CRACD: variants seen among roughly 807,000 people sequenced by gnomAD.
The protein encoded by CRACD is capping protein inhibiting regulator of actin dynamics, also known as capping protein-inhibiting regulator of actin dynamics.
A neutral mutation model predicts 106.8 loss-of-function variants in CRACD; 56 were observed. The observed-to-expected ratio is 0.52, with a 90% CI of 0.42 to 0.66. The LOEUF (loss-of-function observed/expected upper bound fraction) is 0.66. Among genes scored for constraint, CRACD ranks in the 30% least tolerant of loss-of-function variants. The pLI is 0.00. For missense variants in CRACD, 1,730 were observed against 1,623.2 expected (o/e 1.07, Z -1.13); for synonymous variants, 754 against 670.8 (o/e 1.12, Z -1.92).
chr4:56,193,933 G>C (rs1737491093), intron 2 of CRACD, among the ~76,000 whole-genome samples: 1 of 152,038 alleles, frequency 6.6e-6, no homozygotes, highest in African/African-American at 2.4e-5. Context: ...TGATATTATA[G>C]GCTTTGTGGG....
intron 8 of CRACD, among the ~76,000 whole-genome samples, chr4:56,322,782 A>G (rs572627163): frequency 6.6e-6 from 1 of 152,348 alleles, no homozygotes; most frequent in South Asian, 2.1e-4. Context: ...TAATCATAGC[A>G]CCTTGGGAGG....
At chr4:56,118,967 C>T (rs1409940233) in intron 1 of CRACD, among the ~76,000 whole-genome samples, 1 of 152,106 alleles carries the variant, frequency 6.6e-6, no homozygotes, top group Non-Finnish European at 1.5e-5. Context: ...ATGGGCCATC[C>T]ATTGAGACAT....
At chr4:56,212,136 C>T (rs576019526) in intron 2 of CRACD, among the ~76,000 whole-genome samples, 154 of 152,256 alleles carry the variant, frequency 1.0e-3, no homozygotes, top group African/African-American at 2.6e-3. Flanking sequence ...ACCAAGATGG[C>T]GATGAGAGTC....
chr4:56,075,474 T>C (rs1337176933), intron 1 of CRACD, among the ~76,000 whole-genome samples: 1 of 152,234 alleles, frequency 6.6e-6, no homozygotes, highest in Non-Finnish European at 1.5e-5. Flanking sequence ...TTTATTTGCA[T>C]AGAGGTGTTT....
intron 2 of CRACD, among the ~76,000 whole-genome samples, chr4:56,181,827 A>T (rs1736833788): frequency 6.6e-6 from 1 of 152,104 alleles, no homozygotes; most frequent in Admixed American, 6.5e-5. Context: ...GACACCAGAT[A>T]TATTGGACTA....
chr4:56,326,960 G>C (rs553988856), intron 10 of CRACD, among the ~76,000 whole-genome samples: 1 of 151,926 alleles, frequency 6.6e-6, no homozygotes, highest in Non-Finnish European at 1.5e-5. Flanking sequence ...GGCTGGTCTC[G>C]AACTCCTGAC....
chr4:56,249,682 G>A (rs556697299), intron 2 of CRACD, among the ~76,000 whole-genome samples: 27 of 152,162 alleles, frequency 1.8e-4, no homozygotes, highest in Non-Finnish European at 3.4e-4. Flanking sequence ...GAGAAAGGGA[G>A]ATGCCTCCCT....
intron 1 of CRACD, among the ~76,000 whole-genome samples, chr4:56,112,463 A>G (rs1387261929): frequency 6.6e-6 from 1 of 152,150 alleles, no homozygotes; most frequent in Non-Finnish European, 1.5e-5. Context: ...TGGATTTGCA[A>G]TTGGTTGAGG....
At chr4:56,074,663 T>C (rs922746572) in intron 1 of CRACD, among the ~76,000 whole-genome samples, 1 of 152,174 alleles carries the variant, frequency 6.6e-6, no homozygotes, top group African/African-American at 2.4e-5. Flanking sequence ...CCCTTCCTAT[T>C]TGAATACCCA....
chr4:56,101,444 T>C lies in CRACD; in HGVS notation c.-336+52145T>C, dbSNP rs140484546. 5.2e-3 allele frequency among the ~76,000 whole-genome samples: 789 copies of C among 152,268 alleles called. 6 individuals are homozygous for C. Among genetic ancestry groups the C allele is most frequent in the African/African-American group, 0.018 (740 of 41,568 alleles). On this transcript the variant is annotated intron_variant, in intron 1 of 10. Coordinates refer to ENST00000682029, the MANE Select transcript of CRACD (RefSeq NM_001393381.1). ...TGTTGAATTTGGCACTTGGCGTCTG[T>C]GTATATCTTTGTACTTTTATTAAAA...
At chr4:56,219,448 AG>A (rs1240657330) in intron 2 of CRACD, among the ~76,000 whole-genome samples, 1 of 152,270 alleles carries the variant, frequency 6.6e-6, no homozygotes, top group African/African-American at 2.4e-5. Context: ...CCTGGATTGA[AG>A]CGATTCTTGT....
At chr4:56,199,459 G>T (rs1252956678) in intron 2 of CRACD, among the ~76,000 whole-genome samples, 1 of 152,058 alleles carries the variant, frequency 6.6e-6, no homozygotes. Flanking sequence ...CGAGGCGGGT[G>T]AATCACGAGG....
At chr4:56,162,115 C>T (rs750626942) in intron 1 of CRACD, among the ~76,000 whole-genome samples, 2 of 152,026 alleles carry the variant, frequency 1.3e-5, no homozygotes, top group Non-Finnish European at 2.9e-5. Context: ...ACTACAAGCA[C>T]CACTTTGTTG....
At chr4:56,134,638 G>A (rs1156264507) in intron 1 of CRACD, among the ~76,000 whole-genome samples, 2 of 152,208 alleles carry the variant, frequency 1.3e-5, no homozygotes, top group South Asian at 2.1e-4. Context: ...GTAATGATTA[G>A]CATGAAAGCT....
intron 2 of CRACD, among the ~76,000 whole-genome samples, chr4:56,268,451 T>TA (rs57721072): frequency 0.48 from 73,357 of 151,804 alleles, 18,758 homozygotes; most frequent in African/African-American, 0.65. Flanking sequence ...CAGTGTTGGG[T>TA]AAAAAAAGCA....
At chr4:56,212,877 C>T (rs534130985) in intron 2 of CRACD, among the ~76,000 whole-genome samples, 28 of 152,332 alleles carry the variant, frequency 1.8e-4, no homozygotes, top group African/African-American at 6.5e-4. Flanking sequence ...CAATCTGATC[C>T]TGGACTTAGT....
chr4:56,125,764 CTTTTTTTTT>C lies in CRACD; in HGVS notation c.-335-53504_-335-53496del, dbSNP rs11289899. ...ATAATCTATTACTGTCATTCTTCTT[CTTTTTTTTT>C]TTTTTTTTTTTTTTTGAGATGGAGT... On this transcript the variant is annotated intron_variant, in intron 1 of 10. Transcript: ENST00000682029. Among the ~76,000 whole-genome samples the C allele has an allele frequency of 6.8e-5, 5 of 73,300 alleles. No homozygotes were observed. In the East Asian group the frequency reaches 1.2e-3, roughly 17 times the overall value. The allele number at this position is 73,300 out of a possible 152,430, so 48.1% of individuals were successfully genotyped here. A position where few individuals can be genotyped will look rare whatever the true frequency, so the allele number is the denominator to read the frequency against.
chr4:56,233,347 T>G (rs989986849), intron 2 of CRACD, among the ~76,000 whole-genome samples: 4 of 151,696 alleles, frequency 2.6e-5, no homozygotes, highest in Admixed American at 2.0e-4. Context: ...GCTCAAGAGA[T>G]CCACCTGCCT....
intron 1 of CRACD, among the ~76,000 whole-genome samples, chr4:56,073,111 G>T (rs866022238): frequency 1.3e-4 from 20 of 152,112 alleles, no homozygotes; most frequent in African/African-American, 4.3e-4. Flanking sequence ...AATTCTTTGG[G>T]TATATACCCA....
Sources: allele counts gnomAD v4.1 joint callset (sites outside exome capture counted in the v4.1 genomes callset), GRCh38; gene constraint gnomAD v4.1.1; transcripts MANE v1.5; gene names NCBI Gene and HGNC (gene_info 2026-07-23, HGNC 2026-07-21).